Variants in RNF213 observed in about 807,000 individuals in gnomAD.
The protein encoded by RNF213 is ring finger protein 213, also known as E3 ubiquitin-protein ligase RNF213.
Under a neutral mutation model 514.4 loss-of-function variants are expected in RNF213, and 341 were observed. The observed-to-expected ratio is 0.66, with a 90% CI of 0.61 to 0.73. The LOEUF (loss-of-function observed/expected upper bound fraction) is 0.73. Ranked by LOEUF, RNF213 falls within the 30% of genes least tolerant of loss-of-function variation. The pLI is 0.00. For missense variants in RNF213, 5,767 were observed against 6,615.6 expected (o/e 0.87, Z 4.45); for synonymous variants, 2,655 against 2,658.2 (o/e 1.00, Z 0.04).
rs1330998335 is a variant in RNF213 at position 80,379,352 on chromosome 17, T to G, written c.13546-268T>G. 6.3e-6 allele frequency: 3 copies of G among 479,098 alleles called. No homozygotes were observed. The East Asian group carries it at 1.2e-4, about 20-fold the overall frequency. The allele number at this position is 479,098 out of a possible 1,614,324, so 29.7% of individuals were successfully genotyped here. ...TACAAGAAAGGAAGGTTGAATTTTA[T>G]ATATTTGTCTATAAAGTGTCACTCT... On this transcript the variant is annotated intron_variant, in intron 54 of 67. Transcript: ENST00000582970.
intron 11 of RNF213, among the ~76,000 whole-genome samples, chr17:80,305,704 G>A (rs550554056): frequency 5.3e-5 from 8 of 150,378 alleles, no homozygotes; most frequent in African/African-American, 1.5e-4. Flanking sequence ...CTCTGCCGCC[G>A]GGGCTCAAGT....
At chr17:80,278,887 G>A (rs142863281) in intron 3 of RNF213, 26 of 1,537,018 alleles carry the variant, frequency 1.7e-5, no homozygotes, top group Middle Eastern at 1.7e-4. Context: ...GGCCGCCAGC[G>A]TGCCTTCTGC....
At chr17:80,348,688 G>T (rs546920732) in intron 29 of RNF213, among the ~76,000 whole-genome samples, 15 of 152,358 alleles carry the variant, frequency 9.8e-5, no homozygotes, top group African/African-American at 3.4e-4. Context: ...AGGCAGCGGG[G>T]AGCGGTGCAG....
At chr17:80,359,325 A>G (rs1408276378) in intron 37 of RNF213, among the ~76,000 whole-genome samples, 3 of 152,108 alleles carry the variant, frequency 2.0e-5, no homozygotes, top group African/African-American at 7.2e-5. Context: ...CAGGGGTTGA[A>G]GACCAGCTTG....
intron 50 of RNF213, 87 bp from the exon 51 acceptor site, chr17:80,375,673 A>G (rs2079724169): frequency 4.3e-6 from 4 of 922,046 alleles, no homozygotes; most frequent in South Asian, 4.0e-5. Context: ...ACTGCACTCC[A>G]GCCTGGGTGA....
rs199777836 is a variant in RNF213 at position 80,288,612 on chromosome 17, C to T, written c.811-21C>T. On this transcript the variant is annotated intron_variant, in intron 4 of 67. Transcript: ENST00000582970. This position sits in a 1 kb window ranked among gnomAD's most constrained non-coding sequence, Gnocchi z 4.9. ...CCTGGCCCATTTTGTCACCTTGGCTCTGGTGTTTGGGGTCTTTCAGGCAGT... is the reference window on the plus strand; with the variant it reads ...CCTGGCCCATTTTGTCACCTTGGCTTTGGTGTTTGGGGTCTTTCAGGCAGT... The T allele has an allele frequency of 1.3e-4, 206 of 1,614,000 alleles. No individual in the cohort carries two copies. Among genetic ancestry groups the T allele is most frequent in the Non-Finnish European group, 1.6e-4 (184 of 1,180,032 alleles).
At chr17:80,351,460 A>G (rs1238531743) in intron 31 of RNF213, among the ~76,000 whole-genome samples, 1 of 152,258 alleles carries the variant, frequency 6.6e-6, no homozygotes, top group African/African-American at 2.4e-5. Context: ...TGGGGAAGAA[A>G]ACGAGCCGCT....
intron 36 of RNF213, 61 bp from the exon 37 acceptor site, chr17:80,358,227 T>C: frequency 6.8e-7 from 1 of 1,467,102 alleles, no homozygotes; most frequent in Non-Finnish European, 9.5e-7. Flanking sequence ...TGTCAAAAGG[T>C]GGCAGACCGC....
intron 17 of RNF213, among the ~76,000 whole-genome samples, chr17:80,322,192 G>T (rs1245722999): frequency 9.8e-6 from 1 of 102,414 alleles, no homozygotes; most frequent in Non-Finnish European, 1.7e-5. Context: ...AAAAGGTCTC[G>T]CTTTGTCACC....
At chr17:80,294,343 G>A (rs199939295) in intron 8 of RNF213, among the ~76,000 whole-genome samples, 1 of 152,150 alleles carries the variant, frequency 6.6e-6, no homozygotes, top group Non-Finnish European at 1.5e-5. Context: ...TTGCTAGTGG[G>A]GGGATGCGGT....
intron 28 of RNF213, among the ~76,000 whole-genome samples, chr17:80,344,420 T>C (rs2078246646): frequency 6.6e-6 from 1 of 152,200 alleles, no homozygotes; most frequent in Admixed American, 6.5e-5. Context: ...AATACATGTA[T>C]AGCTTAGTGG....
intron 6 of RNF213, 101 bp from the exon 7 acceptor site, chr17:80,290,469 G>A (rs1314524441): frequency 2.2e-6 from 3 of 1,393,400 alleles, no homozygotes; most frequent in South Asian, 1.2e-5. Flanking sequence ...ATGTGTGTGT[G>A]CACGTGTGTG....
At chr17:80,381,785 G>A in intron 57 of RNF213, 58 bp downstream of exon 57, 1 of 1,527,632 alleles carries the variant, frequency 6.5e-7, no homozygotes. Context: ...AGCGCAAGCA[G>A]GCTCGCTGTC....
rs1309283551 is a variant in RNF213 at position 80,281,139 on chromosome 17, CCCACTCACA to C, written c.262-6665_262-6657del. ...ACACCACTCACACACACCCCCACAC[CCCACTCACA>C]CCACTCACACACACCCCCACACATA... On this transcript the variant is annotated intron_variant, in intron 3 of 67. Transcript: ENST00000582970. 6.4e-5 allele frequency among the ~76,000 whole-genome samples: 8 copies of C among 124,038 alleles called. No individual in the cohort carries two copies. In the South Asian group the frequency reaches 8.6e-4, roughly 13 times the overall value. 81.4% of individuals were successfully genotyped at this position (124,038 alleles called of 152,430 possible).
chr17:80,267,148 C>T (rs531347784), intron 2 of RNF213, among the ~76,000 whole-genome samples: 30 of 150,734 alleles, frequency 2.0e-4, no homozygotes, highest in Admixed American at 1.6e-3. Context: ...ACCCAGGAGA[C>T]GGAGGTTGCA....
At chr17:80,342,925 C>T (rs1333741869) in intron 26 of RNF213, among the ~76,000 whole-genome samples, 2 of 151,694 alleles carry the variant, frequency 1.3e-5, no homozygotes, top group Non-Finnish European at 2.9e-5. Flanking sequence ...CCTGCCTCAG[C>T]CTCCTGAGTA....
intron 23 of RNF213, 109 bp from the exon 24 acceptor site, chr17:80,337,477 G>A: frequency 7.1e-7 from 1 of 1,407,488 alleles, no homozygotes; most frequent in South Asian, 1.4e-5. Context: ...GGGGAAGCGT[G>A]GGGAGAAGGC....
In RNF213 at chr17:80,388,668, C is replaced by T. The variant is rs1367586905; in HGVS notation, c.14979C>T (p.Asp4993=). 6.2e-7 allele frequency: 1 copy of T among 1,611,558 alleles called. No individual in the cohort carries two copies. Among genetic ancestry groups the T allele is most frequent in the African/African-American group, 1.3e-5 (1 of 74,986 alleles). ...GGAACTATGAACATCTCTTTATGGA[C>T]ATCAAGAACAAAATGGCACAGGTGA... ...HDWNYEHLFM[D]IKNKMAQDSL... Residue 4993 remains aspartate, a synonymous_variant, in exon 64 of 68, where the codon GAC becomes GAT. Transcript: ENST00000582970.
rs1455465485 is a variant in RNF213, at chr17:80,345,393, G to T, written c.7058G>T (p.Gly2353Val). The T allele has an allele frequency of 6.2e-7, 1 of 1,614,062 alleles. No individual in the cohort carries two copies. The highest frequency in any genetic ancestry group is 1.1e-5 in the South Asian group (1 of 91,080). ...RDVMTRDLYQ[G>V]LLLQRVPFNV... The stretch of plus-strand genomic sequence containing the variant: ...GTCATGACCAGGGACCTGTACCAGG[G>T]CCTGCTGCTCCAGAGGGTGCCCTTC... The change falls in exon 29 of 68, where the codon GGC (glycine) becomes GTC (valine). Residue 2353 changes from glycine to valine, a missense_variant. Physicochemically the swap from Gly to Val is moderately radical, Grantham distance 109. Transcript: ENST00000582970. This position sits in a 1 kb window ranked among gnomAD's most constrained non-coding sequence, Gnocchi z 6.0.
Sources: gnomAD v4.1 joint callset for allele counts (sites outside exome capture counted in the v4.1 genomes callset) on GRCh38, gnomAD v4.1.1 for gene constraint, Gnocchi (gnomAD v3.1) non-coding constraint, MANE v1.5 for transcripts, NCBI Gene and HGNC (gene_info 2026-07-23, HGNC 2026-07-21) for gene names.